RIT2: variants seen among roughly 807,000 people sequenced by gnomAD.
RIT2 encodes GTP-binding protein Rit2.
In RIT2, 24 loss-of-function variants were observed where a neutral mutation model predicts 23.7. The observed-to-expected ratio is 1.01, with a 90% CI of 0.73 to 1.43. RIT2 has a LOEUF of 1.43. RIT2 is among the 40% of genes most tolerant of loss of function. The pLI, the probability that RIT2 is intolerant of heterozygous loss-of-function variation, is 0.00. For missense variants in RIT2, 236 were observed against 266.9 expected (o/e 0.88, Z 0.81); for synonymous variants, 107 against 91.1 (o/e 1.17, Z -0.99).
At chr18:43,100,235 TAGAGTAA>T (rs1913650596) in intron 1 of RIT2, among the ~76,000 whole-genome samples, 2 of 152,004 alleles carry the variant, frequency 1.3e-5, no homozygotes, top group Non-Finnish European at 2.9e-5. Flanking sequence ...TTGAAAAAGA[TAGAGTAA>T]GCCAAGCAGA....
At chr18:42,988,986 GT>G (rs1910777930) in intron 2 of RIT2, among the ~76,000 whole-genome samples, 1 of 152,070 alleles carries the variant, frequency 6.6e-6, no homozygotes, top group African/African-American at 2.4e-5. Context: ...AATAAAACAT[GT>G]TTTTTTCTTG....
At chr18:42,765,446 A>C (rs2143906718) in intron 4 of RIT2, among the ~76,000 whole-genome samples, 1 of 151,934 alleles carries the variant, frequency 6.6e-6, no homozygotes, top group South Asian at 2.1e-4. Context: ...GCTTTTGTAA[A>C]CCTCCCTGGA....
At chr18:43,073,433 G>A (rs1275532420) in intron 1 of RIT2, among the ~76,000 whole-genome samples, 1 of 152,096 alleles carries the variant, frequency 6.6e-6, no homozygotes, top group Non-Finnish European at 1.5e-5. Flanking sequence ...GATGTATCTG[G>A]TGTGGCATTT....
intron 4 of RIT2, among the ~76,000 whole-genome samples, chr18:42,830,851 T>C (rs1318470692): frequency 6.6e-6 from 1 of 152,178 alleles, no homozygotes; most frequent in Non-Finnish European, 1.5e-5. Context: ...ATTAAATGAA[T>C]CAAGGCTGAT....
intron 1 of RIT2, among the ~76,000 whole-genome samples, chr18:43,065,218 G>GTTATT (rs1912742520): frequency 1.2e-5 from 1 of 81,646 alleles, no homozygotes; most frequent in African/African-American, 4.4e-5. Context: ...ACTTTTTTGG[G>GTTATT]TTTTTTTTTT....
At chr18:43,100,560 G>A (rs1418604274) in intron 1 of RIT2, among the ~76,000 whole-genome samples, 1 of 152,090 alleles carries the variant, frequency 6.6e-6, no homozygotes, top group Non-Finnish European at 1.5e-5. Flanking sequence ...ATGGAGAAGG[G>A]CTAGTGCAAA....
At chr18:43,013,871 G>C (rs7241963) in intron 2 of RIT2, among the ~76,000 whole-genome samples, 144,873 of 151,772 alleles carry the variant, frequency 0.95, 69,496 homozygotes, top group East Asian at 1. Flanking sequence ...GGTCCTTTTG[G>C]TTTCTTTATG....
intron 4 of RIT2, among the ~76,000 whole-genome samples, chr18:42,844,929 G>A (rs974854053): frequency 6.6e-6 from 1 of 152,112 alleles, no homozygotes; most frequent in African/African-American, 2.4e-5. Flanking sequence ...ATTATTAATT[G>A]TACAAGTGGA....
chr18:42,937,941 G>T (rs1909502622), intron 3 of RIT2, among the ~76,000 whole-genome samples: 1 of 152,132 alleles, frequency 6.6e-6, no homozygotes, highest in African/African-American at 2.4e-5. Flanking sequence ...CAAGGCATTG[G>T]TAGTTCTCTC....
intron 4 of RIT2, among the ~76,000 whole-genome samples, chr18:42,870,861 C>A (rs1273856992): frequency 6.6e-6 from 1 of 152,188 alleles, no homozygotes; most frequent in Admixed American, 6.5e-5. Context: ...TGTCAATATA[C>A]CTTTCAATAG....
chr18:42,758,714 A>T (rs535910166), intron 4 of RIT2, among the ~76,000 whole-genome samples: 2 of 148,920 alleles, frequency 1.3e-5, no homozygotes, highest in African/African-American at 4.9e-5. Flanking sequence ...TAGTAGAGAC[A>T]GGGTTTCACC....
intron 3 of RIT2, among the ~76,000 whole-genome samples, chr18:42,963,786 C>T (rs750117891): frequency 2.8e-4 from 42 of 152,014 alleles, no homozygotes; most frequent in South Asian, 4.2e-4. Context: ...ATCCCAGCTA[C>T]TAGGGAAGCT....
chr18:42,946,912 G>T (rs952302745), intron 3 of RIT2, among the ~76,000 whole-genome samples: 6 of 152,140 alleles, frequency 3.9e-5, no homozygotes, highest in Admixed American at 1.3e-4. Context: ...AAGTGCAAAA[G>T]AAGATATTTT....
At chr18:43,034,170 A>G (rs1268424362) in intron 1 of RIT2, among the ~76,000 whole-genome samples, 1 of 152,194 alleles carries the variant, frequency 6.6e-6, no homozygotes, top group African/African-American at 2.4e-5. Context: ...AACCAGTTAC[A>G]GAATCCCTCT....
intron 1 of RIT2, among the ~76,000 whole-genome samples, chr18:43,088,348 A>C (rs1019326937): frequency 1.3e-5 from 2 of 152,186 alleles, no homozygotes; most frequent in Admixed American, 1.3e-4. Context: ...TTTCTAATAC[A>C]TTGTATTTTA....
intron 4 of RIT2, among the ~76,000 whole-genome samples, chr18:42,827,877 C>A (rs539380112): frequency 2.0e-4 from 31 of 151,672 alleles, no homozygotes; most frequent in Admixed American, 6.6e-4. Context: ...TGGTGGCACG[C>A]GCCTGTAGTC....
chr18:42,749,534 T>C (rs1454472525), intron 4 of RIT2, among the ~76,000 whole-genome samples: 1 of 151,860 alleles, frequency 6.6e-6, no homozygotes, highest in Non-Finnish European at 1.5e-5. Context: ...ATGAATTCTT[T>C]TTATAAAGAT....
At chr18:42,775,860 T>TACACACACACACACAC (rs113530360) in intron 4 of RIT2, among the ~76,000 whole-genome samples, 1 of 148,880 alleles carries the variant, frequency 6.7e-6, no homozygotes, top group African/African-American at 2.5e-5. Flanking sequence ...CACACACACA[T>TACACACACACACACAC]ACACACACAC....
intron 2 of RIT2, among the ~76,000 whole-genome samples, chr18:42,990,379 C>G (rs1425552706): frequency 6.6e-6 from 1 of 152,168 alleles, no homozygotes; most frequent in Admixed American, 6.5e-5. Context: ...AATACTCTCA[C>G]AGACACATCC....
Sources: gnomAD v4.1 joint callset for allele counts (sites outside exome capture counted in the v4.1 genomes callset) on GRCh38, gnomAD v4.1.1 for gene constraint, MANE v1.5 for transcripts, NCBI Gene and HGNC (gene_info 2026-07-23, HGNC 2026-07-21) for gene names.